Variants in PRKG2 observed in about 807,000 individuals in gnomAD.
The protein encoded by PRKG2 is protein kinase cGMP-dependent 2, also known as cGMP-dependent protein kinase 2.
PRKG2 carries 33 observed loss-of-function variants against 97.2 expected under a neutral mutation model. The ratio of observed to expected loss-of-function variants is 0.34; its 90% CI spans 0.26 to 0.45. The LOEUF (loss-of-function observed/expected upper bound fraction) is 0.45. PRKG2 is among the 20% of genes least tolerant of loss of function. The probability of loss-of-function intolerance (pLI) is 1.00; values close to 1 mark genes in which losing one functional copy is unlikely to be tolerated. For missense variants in PRKG2, 638 were observed against 900.0 expected, an observed-to-expected ratio of 0.71 and a Z score of 3.73; for synonymous variants, 330 against 321.8, an observed-to-expected ratio of 1.03 and a Z score of -0.27.
intron 15 of PRKG2, among the ~76,000 whole-genome samples, chr4:81,107,806 C>G (rs1418853589): frequency 6.6e-6 from 1 of 152,184 alleles, no homozygotes; most frequent in African/African-American, 2.4e-5. Context: ...TCACAACACC[C>G]ACCCGAGAGT....
intron 11 of PRKG2, 77 bp from the exon 12 acceptor site, chr4:81,140,746 T>A: frequency 1.5e-6 from 2 of 1,308,568 alleles, no homozygotes; most frequent in Non-Finnish European, 2.1e-6. Flanking sequence ...GAGTTAAAAC[T>A]GTTTCATGTT....
At chr4:81,114,191 T>G (rs749051576) in intron 14 of PRKG2, among the ~76,000 whole-genome samples, 1 of 152,072 alleles carries the variant, frequency 6.6e-6, no homozygotes, top group Non-Finnish European at 1.5e-5. Flanking sequence ...CTTTTTATAT[T>G]CCAGAATTAC....
At chr4:81,156,833 G>A (rs1358643450) in intron 6 of PRKG2, among the ~76,000 whole-genome samples, 3 of 152,060 alleles carry the variant, frequency 2.0e-5, no homozygotes, top group Non-Finnish European at 2.9e-5. Flanking sequence ...ATGACTACTG[G>A]GTACATAACG....
chr4:81,142,161 A>G (rs1236673856), intron 11 of PRKG2, among the ~76,000 whole-genome samples: 1 of 152,208 alleles, frequency 6.6e-6, no homozygotes, highest in African/African-American at 2.4e-5. Flanking sequence ...TTGGAAGCTG[A>G]TAGCTCAGAA....
Position 81,137,395 on chromosome 4 carries a change from G to A in PRKG2, c.1632C>T (p.Asp544=), listed in dbSNP as rs1746816862. The A allele has an allele frequency of 5.0e-6, 8 of 1,601,988 alleles. No individual in the cohort carries two copies. Among genetic ancestry groups the A allele is most frequent in the Non-Finnish European group, 6.8e-6 (8 of 1,169,414 alleles). The change falls in exon 13 of 19, where the codon GAC becomes GAT. Residue 544 remains aspartate, a splice_region_variant and synonymous_variant. Transcript: ENST00000264399. ...LGGELWSILR[D]RGSFDEPTSK... is the part of the protein sequence containing the mutation. The stretch of plus-strand genomic sequence containing the variant: ...GAGTATACAAACTTTTTCATTACCT[G>A]TCCCTTAATATACTCCAGAGCTCCC...
chr4:81,208,847 A>T (rs1275592576), intron 1 of PRKG2, among the ~76,000 whole-genome samples: 1 of 152,202 alleles, frequency 6.6e-6, no homozygotes, highest in African/African-American at 2.4e-5. Flanking sequence ...ATGGAGACAA[A>T]AAAAGAATTA....
At chr4:81,187,809 T>G (rs539373725) in intron 2 of PRKG2, among the ~76,000 whole-genome samples, 3 of 152,290 alleles carry the variant, frequency 2.0e-5, no homozygotes, top group Admixed American at 6.5e-5. Flanking sequence ...CAAGCATTCC[T>G]ATACACCAAT....
At position 81,180,848 on chromosome 4, in the gene PRKG2, T is replaced by G. The variant is rs371054437; in HGVS notation, c.462-5889A>C. On this transcript the variant is annotated intron_variant, in intron 2 of 18. Transcript: ENST00000264399. ...TTCATTACTTTTTTTATTATTATTATTGTACTTTAAGTTTTAGGGTACATG... is the reference window on the plus strand; with the variant it reads ...TTCATTACTTTTTTTATTATTATTAGTGTACTTTAAGTTTTAGGGTACATG... Among the ~76,000 whole-genome samples the G allele has an allele frequency of 2.6e-5, 4 of 152,292 alleles. No homozygotes were observed. The East Asian group carries it at 7.7e-4, about 29-fold the overall frequency.
At chr4:81,092,246 CACTT>C (rs1741610940) in intron 18 of PRKG2, 136 bp downstream of exon 18, 2 of 513,572 alleles carry the variant, frequency 3.9e-6, no homozygotes, top group South Asian at 4.0e-5. Flanking sequence ...AAGACAAACT[CACTT>C]AAATTAAAAT....
At chr4:81,185,817 G>A (rs1249035922) in intron 2 of PRKG2, among the ~76,000 whole-genome samples, 1 of 152,066 alleles carries the variant, frequency 6.6e-6, no homozygotes, top group African/African-American at 2.4e-5. Flanking sequence ...AGCAAAAGTT[G>A]CAATCATAGT....
chr4:81,139,142 T>C (rs1461286736), intron 12 of PRKG2, among the ~76,000 whole-genome samples: 1 of 152,170 alleles, frequency 6.6e-6, no homozygotes, highest in Non-Finnish European at 1.5e-5. Flanking sequence ...ATAATTAATA[T>C]TTCTTCTGCA....
At chr4:81,139,781 CAAAA>C (rs548249378) in intron 12 of PRKG2, among the ~76,000 whole-genome samples, 1 of 75,338 alleles carries the variant, frequency 1.3e-5, no homozygotes, top group Non-Finnish European at 3.1e-5. Flanking sequence ...TCTCAAAAGA[CAAAA>C]AAAAAAAAAA....
chr4:81,171,722 T>G lies in PRKG2; in HGVS notation c.711A>C (p.Leu237Phe). 6.2e-7 allele frequency: 1 copy of G among 1,610,404 alleles called. No individual in the cohort carries two copies. ...CAGAGGCAGTCCTTGTACAATTGTA[T>G]AAAATGGCAAGCTCCCCAAATGTGG... ...MWTTFGELAI[L>F]YNCTRTASVK... Residue 237 changes from leucine to phenylalanine, a missense_variant, in exon 4 of 19, where the codon TTA (leucine) becomes TTC (phenylalanine). By Grantham distance (22) the Leu-to-Phe change is conservative. Coordinates refer to ENST00000264399, the MANE Select transcript of PRKG2 (RefSeq NM_006259.3).
chr4:81,135,135 A>T lies in PRKG2; in HGVS notation c.1776+20T>A. 6.3e-7 allele frequency: 1 copy of T among 1,593,358 alleles called. No homozygotes were observed. On this transcript the variant is annotated intron_variant, in intron 14 of 18. Transcript: ENST00000264399. The stretch of plus-strand genomic sequence containing the variant: ...GGGAAATATCTCATATGAGACTGTA[A>T]GTGAGAAAAGTTGTCTTACCAATTT...
intron 9 of PRKG2, among the ~76,000 whole-genome samples, chr4:81,144,609 TA>T (rs201590461): frequency 9.6e-4 from 113 of 117,680 alleles, no homozygotes; most frequent in Non-Finnish European, 1.4e-3. Flanking sequence ...TATATATATA[TA>T]TTTTTTTTTT....
At chr4:81,128,120 TAATG>T (rs201887189) in intron 14 of PRKG2, among the ~76,000 whole-genome samples, 2,002 of 152,344 alleles carry the variant, frequency 0.013, 24 homozygotes, top group Non-Finnish European at 0.02. Flanking sequence ...TCTCTTTATC[TAATG>T]AATTACATTT....
At chr4:81,136,708 C>T (rs1036972555) in intron 13 of PRKG2, among the ~76,000 whole-genome samples, 2 of 152,174 alleles carry the variant, frequency 1.3e-5, no homozygotes, top group South Asian at 4.1e-4. Context: ...AGCTCACCAT[C>T]TACGACACTA....
At chr4:81,200,041 A>T (rs1753205279) in intron 2 of PRKG2, among the ~76,000 whole-genome samples, 1 of 152,226 alleles carries the variant, frequency 6.6e-6, no homozygotes, top group African/African-American at 2.4e-5. Context: ...GTCTCTGATT[A>T]ATTTGCCTGT....
At chr4:81,118,546 C>T (rs73832608) in intron 14 of PRKG2, among the ~76,000 whole-genome samples, 10,494 of 152,194 alleles carry the variant, frequency 0.069, 1,228 homozygotes, top group African/African-American at 0.24. Context: ...CCGAAAGACT[C>T]ATGATTTTGA....
Sources: allele counts gnomAD v4.1 joint callset (sites outside exome capture counted in the v4.1 genomes callset), GRCh38; gene constraint gnomAD v4.1.1; transcripts MANE v1.5; gene names NCBI Gene and HGNC (gene_info 2026-07-23, HGNC 2026-07-21).